CDCP1: variants seen among roughly 807,000 people sequenced by gnomAD.
CDCP1 encodes CUB domain containing protein 1, also known as CUB domain-containing protein 1.
A neutral mutation model predicts 60.2 loss-of-function variants in CDCP1; 29 were observed. The ratio of observed to expected loss-of-function variants is 0.48; its 90% CI spans 0.36 to 0.66. CDCP1 has a LOEUF of 0.66. Among genes scored for constraint, CDCP1 ranks in the 30% least tolerant of loss-of-function variants. The probability of loss-of-function intolerance (pLI) is 0.00; values close to 1 mark genes in which losing one functional copy is unlikely to be tolerated. For missense variants in CDCP1, 876 were observed against 1,074.3 expected (o/e 0.82, Z 2.58); for synonymous variants, 387 against 431.1 (o/e 0.90, Z 1.27).
intron 4 of CDCP1, among the ~76,000 whole-genome samples, chr3:45,102,185 C>T (rs965197422): frequency 1.3e-5 from 2 of 151,936 alleles, no homozygotes; most frequent in Non-Finnish European, 2.9e-5. Context: ...GATTCCCCTG[C>T]CTCAGCCTCC....
chr3:45,106,146 T>C lies in CDCP1; in HGVS notation c.1024+4327A>G, dbSNP rs559617877. ...TGTTTCTCAGCAAAGTAGAGAGGAC[T>C]GATGGTAGATATTTTTATCTTGTTT... On this transcript the variant is annotated intron_variant, in intron 4 of 8. Coordinates refer to ENST00000296129, the MANE Select transcript of CDCP1 (RefSeq NM_022842.5). Among the ~76,000 whole-genome samples the C allele has an allele frequency of 4.6e-5, 7 of 152,322 alleles. No homozygotes were observed. The South Asian group carries it at 1.4e-3, about 32-fold the overall frequency.
rs1464826038 is a variant in CDCP1 at position 45,143,006 on chromosome 3, G to A, written c.82+3200C>T. Among the ~76,000 whole-genome samples the A allele has an allele frequency of 3.9e-5, 6 of 152,234 alleles. No homozygotes were observed. In the East Asian group the frequency reaches 5.8e-4, roughly 15 times the overall value. ...TCACCTGAGGTCAGGAGTTTGAGAC[G>A]AGCCTGGCTAATATGGTGAAACCCC... On this transcript the variant is annotated intron_variant, in intron 1 of 8. Transcript: ENST00000296129.
chr3:45,088,721 C>T (rs554993976), intron 8 of CDCP1, among the ~76,000 whole-genome samples: 11 of 152,130 alleles, frequency 7.2e-5, no homozygotes, highest in Non-Finnish European at 1.3e-4. Context: ...TCTGGCAGAG[C>T]CTACGTGAGC....
chr3:45,089,518 C>A (rs1335679296), intron 7 of CDCP1, among the ~76,000 whole-genome samples: 2 of 152,138 alleles, frequency 1.3e-5, no homozygotes, highest in Non-Finnish European at 2.9e-5. Context: ...CAGTGAGAAC[C>A]AAAGGCCATA....
chr3:45,102,795 G>A (rs1386215145), intron 4 of CDCP1, among the ~76,000 whole-genome samples: 1 of 152,006 alleles, frequency 6.6e-6, no homozygotes, highest in African/African-American at 2.4e-5. Flanking sequence ...CTAGTAGCTG[G>A]GACCACTCCC....
chr3:45,126,113 T>TCTTTC (rs1275985698), intron 1 of CDCP1, among the ~76,000 whole-genome samples: 2 of 89,424 alleles, frequency 2.2e-5, no homozygotes, highest in African/African-American at 5.7e-5. Context: ...TCTCTCTCTT[T>TCTTTC]CTTTCTTTCT....
intron 4 of CDCP1, among the ~76,000 whole-genome samples, chr3:45,108,950 T>TGCATGTATACATATATATATATATGC: frequency 1.6e-5 from 1 of 64,230 alleles, no homozygotes; most frequent in African/African-American, 5.4e-5. Context: ...TATATATATA[T>TGCATGTATACATATATATATATATGC]ATATTTTTTT....
At chr3:45,107,380 G>C (rs1055650307) in intron 4 of CDCP1, among the ~76,000 whole-genome samples, 1 of 151,874 alleles carries the variant, frequency 6.6e-6, no homozygotes, top group African/African-American at 2.4e-5. Context: ...CTAATTTTTT[G>C]TATTTTTAGT....
At chr3:45,143,152 C>T (rs2005914) in intron 1 of CDCP1, among the ~76,000 whole-genome samples, 30,487 of 151,926 alleles carry the variant, frequency 0.2, 3,259 homozygotes, top group Admixed American at 0.24. Flanking sequence ...TGCAGTGAGC[C>T]GAGATCGCGC....
At chr3:45,097,590 A>G (rs1323155476) in intron 4 of CDCP1, among the ~76,000 whole-genome samples, 1 of 151,994 alleles carries the variant, frequency 6.6e-6, no homozygotes, top group African/African-American at 2.4e-5. Context: ...GGGTGTTGAC[A>G]ATATCACCCA....
chr3:45,118,759 T>A, intron 1 of CDCP1, 138 bp from the exon 2 acceptor site: 2 of 653,032 alleles, frequency 3.1e-6, no homozygotes, highest in Non-Finnish European at 5.3e-6. Context: ...AGAAGAAGGG[T>A]GGTGCAAAAT....
intron 1 of CDCP1, among the ~76,000 whole-genome samples, chr3:45,121,779 C>T (rs1698891343): frequency 6.6e-6 from 1 of 152,006 alleles, no homozygotes; most frequent in Admixed American, 6.6e-5. Flanking sequence ...TATACAAATG[C>T]CAAAATTCAT....
intron 1 of CDCP1, among the ~76,000 whole-genome samples, chr3:45,145,379 A>G (rs1699361543): frequency 6.6e-6 from 1 of 152,240 alleles, no homozygotes; most frequent in East Asian, 1.9e-4. Context: ...CAGGTTATTT[A>G]CTACGTTCTA....
chr3:45,091,079 T>G lies in CDCP1; in HGVS notation c.1993+94A>C. The G allele has an allele frequency of 7.3e-7, 1 of 1,370,690 alleles. No homozygotes were observed. Among genetic ancestry groups the G allele is most frequent in the Non-Finnish European group, 1.0e-6 (1 of 1,000,748 alleles). The allele number at this position is 1,370,690 out of a possible 1,614,324, so 84.9% of individuals were successfully genotyped here. ...TGATACATGGACAGTCAGGACTCAA[T>G]CTGTGATTCTGACTTGTCTCCAGGC... On this transcript the variant is annotated intron_variant, in intron 7 of 8. Transcript: ENST00000296129. The surrounding 1 kb of genome is among the most constrained non-coding windows in gnomAD (Gnocchi z 4.8).
chr3:45,118,351 G>T, intron 2 of CDCP1, 61 bp downstream of exon 2: 1 of 1,216,322 alleles, frequency 8.2e-7, no homozygotes, highest in Non-Finnish European at 1.2e-6. Context: ...GGGAAAGACA[G>T]TCAGGGAGGT....
chr3:45,105,487 A>T (rs931432942), intron 4 of CDCP1, among the ~76,000 whole-genome samples: 1 of 152,234 alleles, frequency 6.6e-6, no homozygotes, highest in African/African-American at 2.4e-5. Context: ...CGTCCTGTGT[A>T]ACACACTGGA....
intron 4 of CDCP1, among the ~76,000 whole-genome samples, chr3:45,101,886 CAA>C (rs34274441): frequency 1.6e-3 from 172 of 110,682 alleles, no homozygotes; most frequent in Middle Eastern, 0.014. Context: ...AACTCCAGCT[CAA>C]AAAAAAAAAA....
Position 45,108,797 on chromosome 3 carries a change from ATATATATATG to A in CDCP1, c.1024+1666_1024+1675del, listed in dbSNP as rs1698623899. On this transcript the variant is annotated intron_variant, in intron 4 of 8. Transcript: ENST00000296129. ...CATGTATACATATATATGCATGTAT[ATATATATATG>A]CATGTATACATATATATGCATGTAT... is the stretch of plus-strand genomic sequence containing the variant. Among the ~76,000 whole-genome samples, 3 of 31,462 alleles carry A rather than the reference ATATATATATG, an allele frequency of 9.5e-5. 1 individual carries two copies. Among genetic ancestry groups the A allele is most frequent in the Non-Finnish European group, 2.3e-4 (3 of 12,990 alleles). 20.6% of individuals were successfully genotyped at this position (31,462 alleles called of 152,430 possible).
chr3:45,114,336 A>C (rs1317582552), intron 2 of CDCP1, among the ~76,000 whole-genome samples: 2 of 152,316 alleles, frequency 1.3e-5, no homozygotes, highest in East Asian at 3.9e-4. Flanking sequence ...ATTCCTGTCC[A>C]GAGGATGGAG....
Sources: allele counts gnomAD v4.1 joint callset (sites outside exome capture counted in the v4.1 genomes callset), GRCh38; gene constraint gnomAD v4.1.1; non-coding constraint Gnocchi (gnomAD v3.1); transcripts MANE v1.5; gene names NCBI Gene and HGNC (gene_info 2026-07-23, HGNC 2026-07-21).